The following SCNN1B variants were observed in gnomAD, a reference collection of about 807,000 sequenced individuals.
SCNN1B encodes epithelial sodium channel subunit beta.
A neutral mutation model predicts 65.3 loss-of-function variants in SCNN1B; 46 were observed. The observed-to-expected ratio is 0.70, with a 90% CI of 0.56 to 0.90. SCNN1B has a LOEUF of 0.90. Among genes scored for constraint, SCNN1B ranks in the 40% least tolerant of loss-of-function variants. The pLI, the probability that SCNN1B is intolerant of heterozygous loss-of-function variation, is 0.00. For synonymous variants in SCNN1B, 349 were observed against 330.6 expected (o/e 1.06, Z -0.60); for missense variants, 751 against 830.5 (o/e 0.90, Z 1.18).
At chr16:23,363,248 C>T (rs1962587448) in intron 4 of SCNN1B, among the ~76,000 whole-genome samples, 1 of 152,318 alleles carries the variant, frequency 6.6e-6, no homozygotes, top group South Asian at 2.1e-4. Context: ...TTGAGTATTA[C>T]AGTATGCTAG....
intron 1 of SCNN1B, among the ~76,000 whole-genome samples, chr16:23,310,966 C>A (rs1961328766): frequency 6.6e-6 from 1 of 152,204 alleles, no homozygotes; most frequent in African/African-American, 2.4e-5. Flanking sequence ...TAACTCACAC[C>A]ATGGCCCAGC....
At chr16:23,376,287 T>C (rs1962893453) in intron 8 of SCNN1B, among the ~76,000 whole-genome samples, 1 of 152,204 alleles carries the variant, frequency 6.6e-6, no homozygotes, top group Admixed American at 6.5e-5. Context: ...GTATGTAGTT[T>C]ATGCACAGGC....
intron 1 of SCNN1B, among the ~76,000 whole-genome samples, chr16:23,339,862 T>C (rs1392108763): frequency 2.0e-5 from 3 of 152,090 alleles, no homozygotes; most frequent in Non-Finnish European, 2.9e-5. Context: ...CCACCGCGCC[T>C]GGCAACTTTA....
intron 4 of SCNN1B, among the ~76,000 whole-genome samples, chr16:23,364,504 C>G (rs577280031): frequency 6.6e-6 from 1 of 152,270 alleles, no homozygotes; most frequent in South Asian, 2.1e-4. Flanking sequence ...TGACAAGAAG[C>G]CTTTGGAGGG....
At chr16:23,322,799 C>A (rs1404922806) in intron 1 of SCNN1B, among the ~76,000 whole-genome samples, 1 of 151,950 alleles carries the variant, frequency 6.6e-6, no homozygotes, top group Non-Finnish European at 1.5e-5. Flanking sequence ...GTGGAAAATA[C>A]ATGTGTATAG....
At chr16:23,339,254 A>T (rs953886435) in intron 1 of SCNN1B, among the ~76,000 whole-genome samples, 1 of 151,428 alleles carries the variant, frequency 6.6e-6, no homozygotes, top group African/African-American at 2.4e-5. Flanking sequence ...GCCGTAATTT[A>T]TTTATTTCTT....
rs201372944 is a variant in SCNN1B, at chr16:23,330,026, C to CA, written c.-8-18553dup. ...TGTGTCACAGAGTGAGACCCTGTCT[C>CA]AAAAAAAAAAAAAGAAAAAAAGAGA... On this transcript the variant is annotated intron_variant, in intron 1 of 12. Transcript: ENST00000343070. 4.0e-3 allele frequency among the ~76,000 whole-genome samples: 369 copies of CA among 91,752 alleles called. 2 individuals carry two copies. The highest frequency in any genetic ancestry group is 0.013 in the Middle Eastern group (2 of 152). The allele number at this position is 91,752 out of a possible 152,430, so 60.2% of individuals were successfully genotyped here. A position where few individuals can be genotyped will look rare whatever the true frequency, so the allele number is the denominator to read the frequency against.
At chr16:23,365,483 A>AAAG (rs58306088) in intron 4 of SCNN1B, among the ~76,000 whole-genome samples, 34,320 of 145,212 alleles carry the variant, frequency 0.24, 4,355 homozygotes, top group East Asian at 0.35. Context: ...AGAGAAAGAA[A>AAAG]AAGAAGAAAA....
At position 23,353,064 on chromosome 16, in the gene SCNN1B, C is replaced by T. The variant is rs1962345604; in HGVS notation, c.575C>T (p.Ala192Val). ...KICNAHGCKMAMRLCSLNRTQ... is the reference protein window; with the variant it reads ...KICNAHGCKMVMRLCSLNRTQ... ...TGTAATGCCCACGGGTGCAAAATGG[C>T]CATGAGACTAGTAAGTGGTCCCTGG... The change falls in exon 3 of 13, where the codon GCC becomes GTC. Residue 192 changes from alanine (A) to valine (V), a missense_variant. Ala to Val is a moderately conservative substitution (Grantham distance 64). Transcript: ENST00000343070. 1 of 1,614,022 alleles carries T rather than the reference C, an allele frequency of 6.2e-7. No individual in the cohort carries two copies. The highest frequency in any genetic ancestry group is 8.5e-7 in the Non-Finnish European group (1 of 1,180,036).
intron 1 of SCNN1B, among the ~76,000 whole-genome samples, chr16:23,335,804 C>G (rs561821021): frequency 1.2e-3 from 188 of 151,932 alleles, no homozygotes; most frequent in Non-Finnish European, 2.1e-3. Flanking sequence ...TCTACCCTTT[C>G]TTTGCTCTCA....
intron 1 of SCNN1B, among the ~76,000 whole-genome samples, chr16:23,312,340 G>C (rs948290076): frequency 6.6e-6 from 1 of 152,164 alleles, no homozygotes; most frequent in African/African-American, 2.4e-5. Flanking sequence ...AGGACAGGCT[G>C]TTTGTTTAAC....
chr16:23,375,810 C>A lies in SCNN1B; in HGVS notation c.1225C>A (p.Pro409Thr). 2 of 1,614,012 alleles carry A rather than the reference C, an allele frequency of 1.2e-6. No homozygotes were observed. The highest frequency in any genetic ancestry group is 8.5e-7 in the Non-Finnish European group (1 of 1,179,842). The change falls in exon 8 of 13, where the codon CCC (proline) becomes ACC (threonine). Residue 409 changes from proline to threonine, a missense_variant. Transcript: ENST00000343070. Reference protein sequence around the residue: ...CNCGHYLYPLPRGEKYCNNRD... With the variant: ...CNCGHYLYPLTRGEKYCNNRD... ...CTGTGGCCACTACCTGTACCCACTG[C>A]CCCGTGGGGAGAAATACTGCAACAA...
chr16:23,321,543 A>C (rs1961587761), intron 1 of SCNN1B, among the ~76,000 whole-genome samples: 1 of 152,156 alleles, frequency 6.6e-6, no homozygotes. Context: ...AGGCTTGGAC[A>C]GGCCTTCAGG....
intron 1 of SCNN1B, among the ~76,000 whole-genome samples, chr16:23,329,459 A>G (rs760985614): frequency 2.6e-5 from 4 of 152,188 alleles, no homozygotes; most frequent in Non-Finnish European, 5.9e-5. Context: ...TTAGAAGACA[A>G]TAATTTTTCT....
chr16:23,352,430 G>A (rs541545781), intron 2 of SCNN1B, among the ~76,000 whole-genome samples: 1 of 152,194 alleles, frequency 6.6e-6, no homozygotes, highest in Non-Finnish European at 1.5e-5. Flanking sequence ...ACCTGGTGTG[G>A]GTGATTAGAT....
At chr16:23,322,477 T>TA (rs1183811115) in intron 1 of SCNN1B, among the ~76,000 whole-genome samples, 3 of 151,776 alleles carry the variant, frequency 2.0e-5, no homozygotes, top group African/African-American at 7.3e-5. Context: ...TTTTTTTTTT[T>TA]AATTTATATG....
intron 7 of SCNN1B, among the ~76,000 whole-genome samples, chr16:23,372,670 T>G (rs1207750884): frequency 6.6e-6 from 1 of 151,830 alleles, no homozygotes; most frequent in East Asian, 2.0e-4. Flanking sequence ...TTTTTTTGTA[T>G]TTTTAGTAGA....
chr16:23,353,386 G>A (rs575557724), intron 3 of SCNN1B: 2 of 436,514 alleles, frequency 4.6e-6, no homozygotes. Flanking sequence ...GAGGTCATCA[G>A]GAATCTTTCT....
At chr16:23,344,152 A>G (rs2142012433) in intron 1 of SCNN1B, among the ~76,000 whole-genome samples, 1 of 152,364 alleles carries the variant, frequency 6.6e-6, no homozygotes, top group Admixed American at 6.5e-5. Context: ...ACGTTTATGA[A>G]CATAAAGCAA....
Sources: allele counts gnomAD v4.1 joint callset (sites outside exome capture counted in the v4.1 genomes callset), GRCh38; gene constraint gnomAD v4.1.1; transcripts MANE v1.5; gene names NCBI Gene and HGNC (gene_info 2026-07-23, HGNC 2026-07-21).